PLCL2: variants seen among roughly 807,000 people sequenced by gnomAD.
PLCL2 encodes the protein inactive phospholipase C-like protein 2.
In PLCL2, 4 loss-of-function variants were observed where a neutral mutation model predicts 79.6. That is an observed-to-expected ratio of 0.05 (90% CI 0.02 to 0.11). The LOEUF (loss-of-function observed/expected upper bound fraction) is 0.11. Ranked by LOEUF, PLCL2 falls within the 10% of genes least tolerant of loss-of-function variation. The pLI is 1.00. For missense variants in PLCL2, 895 were observed against 1,291.0 expected (o/e 0.69, Z 4.70); for synonymous variants, 484 against 457.7 (o/e 1.06, Z -0.73).
intron 3 of PLCL2, among the ~76,000 whole-genome samples, chr3:17,040,085 T>C (rs10510469): frequency 0.17 from 26,532 of 152,238 alleles, 2,900 homozygotes; most frequent in Non-Finnish European, 0.25. Context: ...TGCATCTGTT[T>C]TATTTCTGTA....
intron 1 of PLCL2, among the ~76,000 whole-genome samples, chr3:16,937,872 A>G (rs1255838461): frequency 6.6e-6 from 1 of 152,202 alleles, no homozygotes; most frequent in Non-Finnish European, 1.5e-5. Context: ...TGTAGCAGCA[A>G]ATGTTGTACT....
chr3:16,959,348 C>T (rs1269208836), intron 1 of PLCL2, among the ~76,000 whole-genome samples: 1 of 152,044 alleles, frequency 6.6e-6, no homozygotes. Flanking sequence ...TTACTGTTAC[C>T]CTTGATCTTT....
intron 1 of PLCL2, among the ~76,000 whole-genome samples, chr3:17,003,279 G>A (rs934675242): frequency 6.6e-6 from 1 of 152,154 alleles, no homozygotes; most frequent in Non-Finnish European, 1.5e-5. Context: ...GGTCATTAGT[G>A]TTGGGAAGAT....
chr3:17,010,824 A>G lies in PLCL2; in HGVS notation c.1478A>G (p.Gln493Arg). 1 of 1,614,170 alleles carries G rather than the reference A, an allele frequency of 6.2e-7. No homozygotes were observed. ...TACACAGGCCACACCATGACCTCTC[A>G]GATAGTTTTCCGCAGTGTCATTGAT... ...VIYTGHTMTSQIVFRSVIDII... is the reference protein window; with the variant it reads ...VIYTGHTMTSRIVFRSVIDII... The change falls in exon 2 of 6, where the codon CAG (glutamine) becomes CGG (arginine). Residue 493 changes from glutamine (Q) to arginine (R), a missense_variant. Physicochemically the swap from Gln to Arg is conservative, Grantham distance 43. This residue lies in a region of PLCL2 where 242 missense variants were observed against 399.5 expected (regional missense o/e 0.61). Transcript: ENST00000615277. The surrounding 1 kb of genome is among the most constrained non-coding windows in gnomAD (Gnocchi z 5.8).
chr3:16,908,423 G>C (rs1196190877), intron 1 of PLCL2, among the ~76,000 whole-genome samples: 2 of 152,222 alleles, frequency 1.3e-5, no homozygotes, highest in Admixed American at 1.3e-4. Context: ...TTAGGGTCCA[G>C]TTAAGATCCC....
At chr3:16,978,212 A>G (rs1430575696) in intron 1 of PLCL2, among the ~76,000 whole-genome samples, 2 of 152,272 alleles carry the variant, frequency 1.3e-5, no homozygotes, top group Non-Finnish European at 2.9e-5. Context: ...GTAAAAGGAC[A>G]GGAGAAGAAA....
In PLCL2 at chr3:17,051,169, G is replaced by C. The variant is rs377702708; in HGVS notation, c.3094+8220G>C. 2.4e-4 allele frequency among the ~76,000 whole-genome samples: 37 copies of C among 152,244 alleles called. No homozygotes were observed. The South Asian group carries it at 2.5e-3, about 10-fold the overall frequency. ...GGGAAAGGCAATGGGAGGTCAGGGC[G>C]GGGGAGGTGGGGATGGTTAATGCGT... On this transcript the variant is annotated intron_variant, in intron 4 of 5. Transcript: ENST00000615277.
chr3:16,909,620 G>A (rs1575523513), intron 1 of PLCL2, among the ~76,000 whole-genome samples: 1 of 152,260 alleles, frequency 6.6e-6, no homozygotes, highest in East Asian at 1.9e-4. Flanking sequence ...ATTGAAATTT[G>A]CACACTGCAA....
chr3:16,895,320 A>G (rs766772238), intron 1 of PLCL2, among the ~76,000 whole-genome samples: 1 of 152,086 alleles, frequency 6.6e-6, no homozygotes, highest in Non-Finnish European at 1.5e-5. Context: ...TTCTATGAAG[A>G]TAGTCATTTA....
At chr3:17,078,907 C>G (rs944436221) in intron 5 of PLCL2, among the ~76,000 whole-genome samples, 2 of 152,132 alleles carry the variant, frequency 1.3e-5, no homozygotes, top group African/African-American at 4.8e-5. Context: ...AGCCATTTCT[C>G]TATTTAGTGT....
At chr3:16,967,878 G>C (rs2063822362) in intron 1 of PLCL2, among the ~76,000 whole-genome samples, 1 of 152,008 alleles carries the variant, frequency 6.6e-6, no homozygotes, top group Admixed American at 6.6e-5. Flanking sequence ...TTATCTTCCA[G>C]AATTTTTATA....
chr3:16,991,968 G>C (rs2064109238), intron 1 of PLCL2, among the ~76,000 whole-genome samples: 2 of 152,078 alleles, frequency 1.3e-5, no homozygotes, highest in African/African-American at 4.8e-5. Flanking sequence ...TAATTTTTAG[G>C]TGCATTTCTT....
At chr3:16,986,034 T>C (rs2064047177) in intron 1 of PLCL2, among the ~76,000 whole-genome samples, 2 of 151,828 alleles carry the variant, frequency 1.3e-5, no homozygotes, top group Non-Finnish European at 2.9e-5. Context: ...AGCCAAGACA[T>C]AGGGAACTCT....
At chr3:16,898,734 T>TA (rs1208887290) in intron 1 of PLCL2, among the ~76,000 whole-genome samples, 1 of 152,220 alleles carries the variant, frequency 6.6e-6, no homozygotes, top group Non-Finnish European at 1.5e-5. Flanking sequence ...TGTCCCCAGA[T>TA]ACAGTTTGGC....
intron 4 of PLCL2, among the ~76,000 whole-genome samples, chr3:17,060,089 G>A (rs1289109277): frequency 6.6e-6 from 1 of 152,078 alleles, no homozygotes; most frequent in African/African-American, 2.4e-5. Context: ...CTTGCTAAGC[G>A]CATTATTCTT....
At chr3:17,055,514 C>T (rs1417931973) in intron 4 of PLCL2, among the ~76,000 whole-genome samples, 1 of 152,164 alleles carries the variant, frequency 6.6e-6, no homozygotes, top group African/African-American at 2.4e-5. Flanking sequence ...TAACCTTCAC[C>T]CTAATTCTGC....
chr3:16,967,543 G>T (rs143241752), intron 1 of PLCL2, among the ~76,000 whole-genome samples: 1 of 152,096 alleles, frequency 6.6e-6, no homozygotes, highest in African/African-American at 2.4e-5. Flanking sequence ...TCGTATGCTT[G>T]TTGGCCACCT....
chr3:16,961,230 G>A (rs967240629), intron 1 of PLCL2, among the ~76,000 whole-genome samples: 2 of 152,210 alleles, frequency 1.3e-5, no homozygotes, highest in African/African-American at 4.8e-5. Flanking sequence ...ACTGGGACTA[G>A]AAGTTGAAGT....
intron 1 of PLCL2, among the ~76,000 whole-genome samples, chr3:16,901,208 C>G (rs573635187): frequency 6.6e-6 from 1 of 152,344 alleles, no homozygotes; most frequent in South Asian, 2.1e-4. Context: ...AACAGTATCT[C>G]CCCTGGCCAT....
Sources: allele counts gnomAD v4.1 joint callset (sites outside exome capture counted in the v4.1 genomes callset), GRCh38; gene constraint gnomAD v4.1.1; regional missense constraint gnomAD v4.1.1; non-coding constraint Gnocchi (gnomAD v3.1); transcripts MANE v1.5; gene names NCBI Gene and HGNC (gene_info 2026-07-23, HGNC 2026-07-21).